The following THSD7B variants were observed in gnomAD, a reference collection of about 807,000 sequenced individuals.
THSD7B encodes the protein thrombospondin type 1 domain containing 7B.
THSD7B carries 138 observed loss-of-function variants against 213.6 expected under a neutral mutation model. That is an observed-to-expected ratio of 0.65 (90% CI 0.56 to 0.74). THSD7B has a LOEUF of 0.74. THSD7B is among the 30% of genes least tolerant of loss of function. THSD7B has a pLI of 0.00. For synonymous variants in THSD7B, 742 were observed against 687.0 expected, an observed-to-expected ratio of 1.08 and a Z score of -1.25; for missense variants, 1,931 against 1,991.5, an observed-to-expected ratio of 0.97 and a Z score of 0.58.
chr2:137,218,024 A>G (rs909888038), intron 7 of THSD7B, among the ~76,000 whole-genome samples: 1 of 152,180 alleles, frequency 6.6e-6, no homozygotes, highest in Non-Finnish European at 1.5e-5. Context: ...CAGATAGAAT[A>G]AGATAAATTA....
intron 15 of THSD7B, among the ~76,000 whole-genome samples, chr2:137,546,464 A>ATAT (rs1680736622): frequency 6.0e-5 from 1 of 16,776 alleles, no homozygotes; most frequent in Non-Finnish European, 9.3e-5. Flanking sequence ...ATTATATATA[A>ATAT]TATATATATA....
At chr2:137,351,534 AAATAGAAAAT>A (rs1685013991) in intron 12 of THSD7B, among the ~76,000 whole-genome samples, 1 of 151,976 alleles carries the variant, frequency 6.6e-6, no homozygotes, top group East Asian at 1.9e-4. Context: ...ATTTCCAACT[AAATAGAAAAT>A]AGAGGTCTGA....
At chr2:137,202,749 G>T (rs1020910592) in intron 7 of THSD7B, among the ~76,000 whole-genome samples, 6 of 152,152 alleles carry the variant, frequency 3.9e-5, no homozygotes, top group African/African-American at 1.2e-4. Context: ...AATGCTTTGA[G>T]AAAAGAGAGG....
At chr2:136,858,344 G>A (rs973858064) in intron 1 of THSD7B, among the ~76,000 whole-genome samples, 7 of 152,090 alleles carry the variant, frequency 4.6e-5, no homozygotes, top group African/African-American at 1.7e-4. Flanking sequence ...TCTATCCAAT[G>A]TGGGGATTGC....
At chr2:136,826,062 A>G in intron 1 of THSD7B, among the ~76,000 whole-genome samples, 1 of 152,172 alleles carries the variant, frequency 6.6e-6, no homozygotes, top group Non-Finnish European at 1.5e-5. Context: ...CAGATTCCCC[A>G]ATGTCGTGAC....
intron 15 of THSD7B, among the ~76,000 whole-genome samples, chr2:137,501,347 C>A (rs554753795): frequency 4.9e-4 from 74 of 151,244 alleles, no homozygotes; most frequent in Non-Finnish European, 5.9e-4. Context: ...AATACAAGCC[C>A]AATAGTATGG....
At chr2:136,840,009 C>G (rs556217607) in intron 1 of THSD7B, among the ~76,000 whole-genome samples, 7 of 152,112 alleles carry the variant, frequency 4.6e-5, no homozygotes, top group African/African-American at 1.7e-4. Context: ...GCCTTAAAAC[C>G]CAGTTTAGTA....
intron 2 of THSD7B, among the ~76,000 whole-genome samples, chr2:136,955,423 C>G (rs1573732206): frequency 6.6e-6 from 1 of 152,164 alleles, no homozygotes; most frequent in Non-Finnish European, 1.5e-5. Flanking sequence ...ATAATCTACT[C>G]TGTATAGATT....
intron 2 of THSD7B, among the ~76,000 whole-genome samples, chr2:137,009,539 G>T (rs116720502): frequency 6.6e-6 from 1 of 152,200 alleles, no homozygotes; most frequent in African/African-American, 2.4e-5. Context: ...GAGGTTTAAT[G>T]GACTTACAGT....
chr2:137,648,374 TC>T (rs367676465), intron 21 of THSD7B, among the ~76,000 whole-genome samples: 8 of 143,616 alleles, frequency 5.6e-5, no homozygotes, highest in South Asian at 2.2e-4. Flanking sequence ...TGTCTTCATC[TC>T]CCCCCCTCAC....
At chr2:136,914,218 T>G (rs1684314892) in intron 2 of THSD7B, among the ~76,000 whole-genome samples, 1 of 152,236 alleles carries the variant, frequency 6.6e-6, no homozygotes, top group Admixed American at 6.5e-5. Context: ...CCCTTTGTTT[T>G]GGCCAATTTC....
intron 22 of THSD7B, 22 bp downstream of exon 22, chr2:137,655,682 G>T: frequency 2.5e-6 from 4 of 1,607,520 alleles, no homozygotes; most frequent in Non-Finnish European, 2.6e-6. Context: ...TAGTGATTGG[G>T]AGCGCCTCCC....
intron 2 of THSD7B, among the ~76,000 whole-genome samples, chr2:137,028,495 C>T (rs573296320): frequency 2.0e-5 from 3 of 152,242 alleles, no homozygotes; most frequent in Admixed American, 1.3e-4. Context: ...ATACTATAGG[C>T]AACACATTTA....
intron 2 of THSD7B, among the ~76,000 whole-genome samples, chr2:137,008,870 G>C (rs1199393113): frequency 6.6e-6 from 1 of 152,076 alleles, no homozygotes; most frequent in Non-Finnish European, 1.5e-5. Context: ...TTTGAATGAA[G>C]TCCCCACATA....
chr2:137,338,086 G>A (rs573740274), intron 12 of THSD7B, among the ~76,000 whole-genome samples: 5 of 152,094 alleles, frequency 3.3e-5, no homozygotes, highest in African/African-American at 9.6e-5. Context: ...CCTTCAATCC[G>A]TTGCAGTCAG....
chr2:137,100,654 A>G (rs1688133824), intron 4 of THSD7B, among the ~76,000 whole-genome samples: 1 of 152,158 alleles, frequency 6.6e-6, no homozygotes, highest in African/African-American at 2.4e-5. Context: ...CATTGAAGGA[A>G]TAAATAAATG....
chr2:136,926,242 T>C lies in THSD7B; in HGVS notation c.139+43925T>C, dbSNP rs191715297. 9.2e-5 allele frequency among the ~76,000 whole-genome samples: 14 copies of C among 152,278 alleles called. No homozygotes were observed. In the East Asian group the frequency reaches 2.5e-3, roughly 27 times the overall value. ...CTTTTCCCCTGGATTCTCCATCCTG[T>C]ACTATCCCTTCTTGATTAACTGAAG... On this transcript the variant is annotated intron_variant, in intron 2 of 27. Coordinates refer to ENST00000409968, the MANE Select transcript of THSD7B (RefSeq NM_001316349.2).
intron 12 of THSD7B, among the ~76,000 whole-genome samples, chr2:137,315,239 C>G (rs375717954): frequency 5.3e-5 from 8 of 152,178 alleles, no homozygotes; most frequent in African/African-American, 1.9e-4. Flanking sequence ...ATCAGAAAAG[C>G]GCAGTATTCG....
chr2:137,285,311 G>A (rs879409982), intron 12 of THSD7B, among the ~76,000 whole-genome samples: 1 of 152,040 alleles, frequency 6.6e-6, no homozygotes, highest in Non-Finnish European at 1.5e-5. Flanking sequence ...CGTAAGATGG[G>A]TTTCCTGAAT....
Sources: allele counts gnomAD v4.1 joint callset (sites outside exome capture counted in the v4.1 genomes callset), GRCh38; gene constraint gnomAD v4.1.1; transcripts MANE v1.5; gene names NCBI Gene and HGNC (gene_info 2026-07-23, HGNC 2026-07-21).